DLGAP2: variants seen among roughly 807,000 people sequenced by gnomAD.
DLGAP2 encodes disks large-associated protein 2.
In DLGAP2, 26 loss-of-function variants were observed where a neutral mutation model predicts 100.3. The ratio of observed to expected loss-of-function variants is 0.26; its 90% confidence interval spans 0.19 to 0.36. DLGAP2 has a LOEUF of 0.36. Ranked by LOEUF, DLGAP2 falls within the 10% of genes least tolerant of loss-of-function variation. The probability of loss-of-function intolerance (pLI) is 1.00; values close to 1 mark genes in which losing one functional copy is unlikely to be tolerated. For missense variants in DLGAP2, 1,858 were observed against 1,453.2 expected (o/e 1.28, Z -4.53); for synonymous variants, 886 against 630.1 (o/e 1.41, Z -6.08).
Position 839,968 on chromosome 8 carries a change from T to C in DLGAP2, c.19-67944T>C, listed in dbSNP as rs555850033. On this transcript the variant is annotated intron_variant, in intron 1 of 14. Transcript: ENST00000637795. ...CCTGCATGTCTCCGTACACTCTGGA[T>C]TGTGTGAGCGCGTCCACACGGTGCA... is the stretch of plus-strand genomic sequence containing the variant. Among the ~76,000 whole-genome samples, 4 of 151,326 alleles carry C rather than the reference T, an allele frequency of 2.6e-5. No individual in the cohort carries two copies. In the South Asian group the frequency reaches 6.3e-4, roughly 24 times the overall value.
intron 6 of DLGAP2, among the ~76,000 whole-genome samples, chr8:1,582,307 A>AGCCCCAC (rs1292749651): frequency 1.4e-4 from 14 of 102,216 alleles, no homozygotes; most frequent in African/African-American, 2.1e-4. Context: ...GATACAGATA[A>AGCCCCAC]AACCTTAAAA....
At chr8:822,948 A>G (rs568137502) in intron 1 of DLGAP2, among the ~76,000 whole-genome samples, 1 of 152,138 alleles carries the variant, frequency 6.6e-6, no homozygotes, top group Non-Finnish European at 1.5e-5. Flanking sequence ...GGGTGAAGCA[A>G]ACAGTCACGG....
At chr8:1,615,260 G>A (rs1383757764) in intron 6 of DLGAP2, among the ~76,000 whole-genome samples, 1 of 152,182 alleles carries the variant, frequency 6.6e-6, no homozygotes, top group Non-Finnish European at 1.5e-5. Flanking sequence ...ACCATCTGCA[G>A]CCTCCCCAGG....
intron 1 of DLGAP2, among the ~76,000 whole-genome samples, chr8:858,583 G>T (rs924889466): frequency 6.6e-6 from 1 of 151,506 alleles, no homozygotes; most frequent in Non-Finnish European, 1.5e-5. Flanking sequence ...GTGGGGACAT[G>T]TGTGACGCTG....
At chr8:965,180 C>T (rs1192261231) in intron 2 of DLGAP2, among the ~76,000 whole-genome samples, 1 of 142,384 alleles carries the variant, frequency 7.0e-6, no homozygotes, top group African/African-American at 2.6e-5. Context: ...CTGCGCTGCA[C>T]ACGGCACTGT....
chr8:925,495 C>G (rs1285485945), intron 2 of DLGAP2, among the ~76,000 whole-genome samples: 1 of 152,076 alleles, frequency 6.6e-6, no homozygotes, highest in Non-Finnish European at 1.5e-5. Context: ...TCCAGGAATC[C>G]ATGACTTGGG....
At chr8:1,507,234 C>T (rs374844232) in intron 4 of DLGAP2, among the ~76,000 whole-genome samples, 4 of 152,312 alleles carry the variant, frequency 2.6e-5, no homozygotes, top group East Asian at 1.9e-4. Flanking sequence ...AGGCTTGGGC[C>T]GCGCGGGAGC....
At chr8:1,223,384 G>A (rs942256444) in intron 2 of DLGAP2, among the ~76,000 whole-genome samples, 46 of 152,172 alleles carry the variant, frequency 3.0e-4, no homozygotes, top group East Asian at 1.9e-4. Flanking sequence ...TCTTCTCCGC[G>A]GTGCTGCATT....
chr8:775,959 G>A (rs201575170), intron 1 of DLGAP2, among the ~76,000 whole-genome samples: 3 of 95,994 alleles, frequency 3.1e-5, no homozygotes, highest in Admixed American at 1.1e-4. Context: ...GGTAGAATTC[G>A]GCTGTGAATC....
At chr8:1,163,614 G>A (rs975304600) in intron 2 of DLGAP2, among the ~76,000 whole-genome samples, 13 of 152,246 alleles carry the variant, frequency 8.5e-5, no homozygotes, top group Non-Finnish European at 1.5e-4. Context: ...AACTGACCCC[G>A]GAAGCGCAGG....
At chr8:1,514,572 A>G (rs1800294234) in intron 4 of DLGAP2, among the ~76,000 whole-genome samples, 1 of 152,232 alleles carries the variant, frequency 6.6e-6, no homozygotes, top group South Asian at 2.1e-4. Context: ...TCTATCAGCC[A>G]TTTATGGGTG....
At chr8:1,343,885 A>C (rs1468167871) in intron 3 of DLGAP2, among the ~76,000 whole-genome samples, 3 of 152,130 alleles carry the variant, frequency 2.0e-5, no homozygotes, top group Non-Finnish European at 4.4e-5. Flanking sequence ...CAGCCCTCTC[A>C]CGCTTCTCAC....
chr8:1,314,527 A>C (rs543719098), intron 3 of DLGAP2, among the ~76,000 whole-genome samples: 1 of 152,208 alleles, frequency 6.6e-6, no homozygotes, highest in Non-Finnish European at 1.5e-5. Flanking sequence ...GTCAGGGGAG[A>C]CATGGCCGAG....
chr8:1,277,617 T>G (rs1296430179), intron 3 of DLGAP2, among the ~76,000 whole-genome samples: 1 of 152,116 alleles, frequency 6.6e-6, no homozygotes, highest in Non-Finnish European at 1.5e-5. Context: ...CATCGGAGTA[T>G]CGAAGTATCA....
intron 2 of DLGAP2, among the ~76,000 whole-genome samples, chr8:1,207,725 A>G (rs1381431780): frequency 2.0e-5 from 3 of 152,106 alleles, no homozygotes; most frequent in South Asian, 4.1e-4. Flanking sequence ...TCATGCCAAC[A>G]TCTATTTTTT....
intron 3 of DLGAP2, among the ~76,000 whole-genome samples, chr8:1,345,867 G>A (rs926682124): frequency 1.3e-5 from 2 of 152,124 alleles, no homozygotes; most frequent in African/African-American, 2.4e-5. Context: ...TGTCATTATC[G>A]CTAGTGGTTG....
rs1225675679 is a variant in DLGAP2 at position 1,703,961 on chromosome 8, T to C, written c.*2555T>C. On this transcript the variant is annotated 3_prime_UTR_variant, in exon 15 of 15. Transcript: ENST00000637795. ...TAATGGTAGAACGGATACCTGCTGC[T>C]AGACCTGATGGAATGTTACCTGTCC... is the stretch of plus-strand genomic sequence containing the variant. 6.6e-6 allele frequency: 1 copy of C among 152,638 alleles called. No individual in the cohort carries two copies. Among genetic ancestry groups the C allele is most frequent in the Non-Finnish European group, 1.5e-5 (1 of 68,048 alleles). The allele number at this position is 152,638 out of a possible 1,614,324, so 9.5% of individuals were successfully genotyped here. A position where few individuals can be genotyped will look rare whatever the true frequency, so the allele number is the denominator to read the frequency against.
chr8:1,564,421 G>A (rs1802311430), intron 5 of DLGAP2, among the ~76,000 whole-genome samples: 2 of 152,318 alleles, frequency 1.3e-5, no homozygotes, highest in South Asian at 2.1e-4. Flanking sequence ...CAAACACACA[G>A]CAGGCAGCCT....
intron 3 of DLGAP2, among the ~76,000 whole-genome samples, chr8:1,369,988 T>A (rs1354133911): frequency 1.3e-5 from 2 of 152,166 alleles, no homozygotes; most frequent in Non-Finnish European, 2.9e-5. Flanking sequence ...GCCTTAGGGC[T>A]TCTTCACGCA....
Sources: gnomAD v4.1 joint callset for allele counts (sites outside exome capture counted in the v4.1 genomes callset) on GRCh38, gnomAD v4.1.1 for gene constraint, MANE v1.5 for transcripts, NCBI Gene and HGNC (gene_info 2026-07-23, HGNC 2026-07-21) for gene names.